Variants in ARHGAP26 observed in about 807,000 individuals in gnomAD.
ARHGAP26 encodes the protein Rho GTPase activating protein 26, also known as rho GTPase-activating protein 26.
A neutral mutation model predicts 104.8 loss-of-function variants in ARHGAP26; 38 were observed. The observed-to-expected ratio is 0.36, with a 90% CI of 0.28 to 0.48. The LOEUF (loss-of-function observed/expected upper bound fraction) is 0.48. Ranked by LOEUF, ARHGAP26 falls within the 20% of genes least tolerant of loss-of-function variation. The pLI, the probability that ARHGAP26 is intolerant of heterozygous loss-of-function variation, is 0.99. For synonymous variants in ARHGAP26, 341 were observed against 340.0 expected (o/e 1.00, Z -0.03); for missense variants, 704 against 947.9 (o/e 0.74, Z 3.38).
At chr5:143,186,343 C>G (rs577296437) in intron 20 of ARHGAP26, among the ~76,000 whole-genome samples, 6 of 152,142 alleles carry the variant, frequency 3.9e-5, no homozygotes, top group Non-Finnish European at 7.4e-5. Context: ...GTCCCTTTCC[C>G]CCAACCCTGT....
intron 22 of ARHGAP26, among the ~76,000 whole-genome samples, chr5:143,214,444 T>C (rs1810013034): frequency 6.6e-6 from 1 of 152,244 alleles, no homozygotes; most frequent in Non-Finnish European, 1.5e-5. Context: ...GTATTAAGCA[T>C]TCACTAAATT....
chr5:143,059,051 CT>C (rs1000429413), intron 17 of ARHGAP26, among the ~76,000 whole-genome samples: 19 of 152,334 alleles, frequency 1.2e-4, no homozygotes, highest in South Asian at 6.2e-4. Context: ...ACTCCAGATG[CT>C]CTGAGATGAC....
intron 20 of ARHGAP26, among the ~76,000 whole-genome samples, chr5:143,164,545 A>G (rs1446874764): frequency 6.6e-6 from 1 of 152,188 alleles, no homozygotes; most frequent in Non-Finnish European, 1.5e-5. Flanking sequence ...TTTTCTTTGC[A>G]TCCATGGCTG....
Position 142,770,575 on chromosome 5 carries a change from G to A in ARHGAP26, c.-187G>A. On this transcript the variant is annotated 5_prime_UTR_variant, in exon 1 of 23. Transcript: ENST00000645722. Reference sequence around the variant, plus strand: ...CGCCCGGAACAGCAGCACCTCGGCCGGGTCCGAGCTCGGTTCGGGAGTCTT... The same window carrying A: ...CGCCCGGAACAGCAGCACCTCGGCCAGGTCCGAGCTCGGTTCGGGAGTCTT... 1 of 254,308 alleles carries A rather than the reference G, an allele frequency of 3.9e-6. No homozygotes were observed. Among genetic ancestry groups the A allele is most frequent in the Non-Finnish European group, 6.7e-6 (1 of 149,974 alleles). 15.8% of individuals were successfully genotyped at this position (254,308 alleles called of 1,614,324 possible). A position where few individuals can be genotyped will look rare whatever the true frequency, so the allele number is the denominator to read the frequency against.
At chr5:143,043,262 T>A (rs1783737041) in intron 14 of ARHGAP26, among the ~76,000 whole-genome samples, 2 of 152,232 alleles carry the variant, frequency 1.3e-5, no homozygotes, top group South Asian at 4.1e-4. Context: ...TATAATTTTG[T>A]CATTTCAAGA....
At chr5:142,903,850 T>C (rs1465585403) in intron 8 of ARHGAP26, among the ~76,000 whole-genome samples, 181 bp downstream of exon 8, 1 of 152,208 alleles carries the variant, frequency 6.6e-6, no homozygotes, top group Non-Finnish European at 1.5e-5. Context: ...CCTTTGTTTT[T>C]CTTTATGAAT....
At chr5:143,178,124 C>T (rs1413696922) in intron 20 of ARHGAP26, among the ~76,000 whole-genome samples, 1 of 149,834 alleles carries the variant, frequency 6.7e-6, no homozygotes, top group African/African-American at 2.4e-5. Flanking sequence ...CTCAGCCTCC[C>T]AAGTAGCTGG....
At chr5:143,180,766 A>C (rs997498434) in intron 20 of ARHGAP26, among the ~76,000 whole-genome samples, 2 of 152,144 alleles carry the variant, frequency 1.3e-5, no homozygotes, top group African/African-American at 4.8e-5. Flanking sequence ...CTCTCCCTAG[A>C]CATGTGGGAA....
At chr5:142,880,178 G>C (rs1562005347) in intron 4 of ARHGAP26, among the ~76,000 whole-genome samples, 1 of 152,186 alleles carries the variant, frequency 6.6e-6, no homozygotes, top group East Asian at 1.9e-4. Flanking sequence ...AGGGAATCCT[G>C]TTCCTTTTTA....
At chr5:143,177,529 C>T (rs566598163) in intron 20 of ARHGAP26, among the ~76,000 whole-genome samples, 1 of 152,286 alleles carries the variant, frequency 6.6e-6, no homozygotes, top group African/African-American at 2.4e-5. Flanking sequence ...TGCATGCTCA[C>T]CCATAGCTGC....
chr5:142,975,846 A>G (rs189873165), intron 11 of ARHGAP26, among the ~76,000 whole-genome samples: 1 of 152,360 alleles, frequency 6.6e-6, no homozygotes, highest in African/African-American at 2.4e-5. Flanking sequence ...GGTGTACCAT[A>G]CATGTATTTA....
chr5:143,066,365 A>G (rs576273123), intron 17 of ARHGAP26, among the ~76,000 whole-genome samples: 1 of 152,372 alleles, frequency 6.6e-6, no homozygotes, highest in African/African-American at 2.4e-5. Context: ...TTGTTAAGCG[A>G]TGCGTGACTA....
At chr5:143,012,493 G>A (rs7720631) in intron 11 of ARHGAP26, among the ~76,000 whole-genome samples, 18,552 of 123,124 alleles carry the variant, frequency 0.15, 2,995 homozygotes, top group African/African-American at 0.39. Context: ...TAAATAAGTG[G>A]TTCTCAACTG....
chr5:142,847,687 G>A (rs1373411423), intron 1 of ARHGAP26, among the ~76,000 whole-genome samples: 3 of 152,190 alleles, frequency 2.0e-5, no homozygotes, highest in Admixed American at 6.5e-5. Context: ...GCCATTAGGT[G>A]GCACAAATAG....
chr5:142,874,242 C>T (rs866037962), intron 2 of ARHGAP26, among the ~76,000 whole-genome samples: 28 of 152,366 alleles, frequency 1.8e-4, no homozygotes, highest in Middle Eastern at 3.4e-3. Flanking sequence ...GGAGGATTCG[C>T]AATGTCAAGA....
chr5:142,933,584 G>A (rs1036198240), intron 11 of ARHGAP26, among the ~76,000 whole-genome samples: 1 of 152,146 alleles, frequency 6.6e-6, no homozygotes, highest in Non-Finnish European at 1.5e-5. Flanking sequence ...CTCAGCCCAT[G>A]GCTTCCCACA....
intron 5 of ARHGAP26, among the ~76,000 whole-genome samples, chr5:142,886,238 T>A (rs537133825): frequency 3.3e-5 from 5 of 152,326 alleles, no homozygotes; most frequent in South Asian, 4.1e-4. Context: ...GCCCTTTTTT[T>A]AAAATTTTAA....
intron 22 of ARHGAP26, among the ~76,000 whole-genome samples, chr5:143,215,707 C>G (rs1214863341): frequency 6.6e-6 from 1 of 152,336 alleles, no homozygotes; most frequent in South Asian, 2.1e-4. Flanking sequence ...ACATTTCATA[C>G]AAATGGAATT....
Position 143,175,666 on chromosome 5 carries a change from G to A in ARHGAP26, c.1988+28285G>A, listed in dbSNP as rs188767917. Among the ~76,000 whole-genome samples, 4 of 152,236 alleles carry A rather than the reference G, an allele frequency of 2.6e-5. No homozygotes were observed. In the East Asian group the frequency reaches 7.7e-4, roughly 29 times the overall value. ...TTATACTATTGGGCATATGTGGGGTGTGGGAATTATTGTTTGTTTAGTATT... is the reference window on the plus strand; with the variant it reads ...TTATACTATTGGGCATATGTGGGGTATGGGAATTATTGTTTGTTTAGTATT... On this transcript the variant is annotated intron_variant, in intron 20 of 22. Coordinates refer to ENST00000645722, the MANE Select transcript of ARHGAP26 (RefSeq NM_001135608.3).
Sources: allele counts gnomAD v4.1 joint callset (sites outside exome capture counted in the v4.1 genomes callset), GRCh38; gene constraint gnomAD v4.1.1; transcripts MANE v1.5; gene names NCBI Gene and HGNC (gene_info 2026-07-23, HGNC 2026-07-21).